Variants in CLYBL observed in about 807,000 individuals in gnomAD.
CLYBL encodes the protein citramalyl-CoA lyase.
Under a neutral mutation model 38.9 loss-of-function variants are expected in CLYBL, and 31 were observed. The observed-to-expected ratio is 0.80, with a 90% CI of 0.60 to 1.08. The LOEUF (loss-of-function observed/expected upper bound fraction) is 1.08, where lower values mean the gene tolerates loss of function less well. CLYBL is among the 50% of genes least tolerant of loss of function. The probability of loss-of-function intolerance (pLI) is 0.00; values close to 1 mark genes in which losing one functional copy is unlikely to be tolerated. For missense variants in CLYBL, 434 were observed against 411.6 expected, an observed-to-expected ratio of 1.05 and a Z score of -0.47; for synonymous variants, 171 against 158.6, an observed-to-expected ratio of 1.08 and a Z score of -0.59.
intron 6 of CLYBL, 126 bp from the exon 7 acceptor site, chr13:99,870,812 A>C (rs1309322000): frequency 5.4e-6 from 5 of 929,864 alleles, no homozygotes; most frequent in Non-Finnish European, 1.6e-6. Context: ...TTACTCAATA[A>C]AAAGTTTTAA....
intron 2 of CLYBL, among the ~76,000 whole-genome samples, chr13:99,854,740 G>A (rs2051417346): frequency 6.6e-6 from 1 of 152,090 alleles, no homozygotes; most frequent in African/African-American, 2.4e-5. Flanking sequence ...TAATTTCAGA[G>A]TCTGCAGGTT....
downstream of CLYBL, among the ~76,000 whole-genome samples, chr13:99,897,958 A>G (rs901680327): frequency 1.3e-5 from 2 of 152,062 alleles, no homozygotes; most frequent in African/African-American, 4.8e-5. Flanking sequence ...AGAAAGAAAG[A>G]AAGAAAGAAA....
At chr13:99,637,004 T>C (rs1388223089) in intron 1 of CLYBL, among the ~76,000 whole-genome samples, 10 of 152,180 alleles carry the variant, frequency 6.6e-5, no homozygotes, top group African/African-American at 2.4e-4. Context: ...CTCAGCTTCC[T>C]GAGTAGCTGG....
chr13:99,655,426 C>T (rs879346071), intron 1 of CLYBL, among the ~76,000 whole-genome samples: 2 of 152,168 alleles, frequency 1.3e-5, no homozygotes, highest in Admixed American at 6.5e-5. Context: ...TTCACGTGCC[C>T]ACATGCAAAG....
In CLYBL at chr13:99,839,630, GAGAC is replaced by G. The variant is rs543827129; in HGVS notation, c.250-19227_250-19224del. 2.8e-3 allele frequency among the ~76,000 whole-genome samples: 426 copies of G among 152,236 alleles called. 4 individuals are homozygous for G. The highest frequency in any genetic ancestry group is 1.8e-3 in the Non-Finnish European group (122 of 68,002). ...ATTGGGTGTGTGTATGGGTGACAGA[GAGAC>G]AGAACAGAGTGGTGGGGAGGGGCAT... On this transcript the variant is annotated intron_variant, in intron 2 of 8. Transcript: ENST00000339105.
At chr13:99,756,741 A>G (rs2049069475) in intron 1 of CLYBL, among the ~76,000 whole-genome samples, 1 of 152,124 alleles carries the variant, frequency 6.6e-6, no homozygotes, top group Admixed American at 6.5e-5. Context: ...CCACATGATC[A>G]TAATGTTCAG....
chr13:99,826,197 A>G lies in CLYBL; in HGVS notation c.250-32664A>G, dbSNP rs116078385. Among the ~76,000 whole-genome samples the G allele has an allele frequency of 7.8e-3, 1,190 of 152,350 alleles. 21 individuals carry two copies. Among genetic ancestry groups the G allele is most frequent in the African/African-American group, 0.027 (1,132 of 41,586 alleles). On this transcript the variant is annotated intron_variant, in intron 2 of 8. Coordinates refer to ENST00000339105, the MANE Select transcript of CLYBL (RefSeq NM_206808.5). Reference sequence around the variant, plus strand: ...GGAAGGTATTTTGTGAGTGTGGTCAACACTACAGTCAGTTGATTTATGTAT... The same window carrying G: ...GGAAGGTATTTTGTGAGTGTGGTCAGCACTACAGTCAGTTGATTTATGTAT...
At chr13:99,702,293 A>G (rs555773684) in intron 1 of CLYBL, among the ~76,000 whole-genome samples, 48 of 151,952 alleles carry the variant, frequency 3.2e-4, no homozygotes, top group Non-Finnish European at 5.6e-4. Flanking sequence ...ACATATTTTT[A>G]AGTCTGCTTT....
chr13:99,698,548 A>T (rs907596422), intron 1 of CLYBL, among the ~76,000 whole-genome samples: 1 of 152,142 alleles, frequency 6.6e-6, no homozygotes, highest in Admixed American at 6.5e-5. Context: ...TTCCACTGGG[A>T]CTTGCTCTCA....
chr13:99,786,848 C>G (rs964568038), intron 2 of CLYBL, among the ~76,000 whole-genome samples: 1 of 152,034 alleles, frequency 6.6e-6, no homozygotes, highest in South Asian at 2.1e-4. Context: ...TCCTATTTCT[C>G]CACATCCTCT....
chr13:99,723,753 T>C (rs1290491689), intron 1 of CLYBL, among the ~76,000 whole-genome samples: 1 of 152,216 alleles, frequency 6.6e-6, no homozygotes. Context: ...ATGAAAACTT[T>C]TCATTTTAGT....
chr13:99,796,947 C>T (rs934589974), intron 2 of CLYBL, among the ~76,000 whole-genome samples: 3 of 152,166 alleles, frequency 2.0e-5, no homozygotes, highest in African/African-American at 4.8e-5. Flanking sequence ...AGGGTGCCAT[C>T]GTATCCCCCA....
At chr13:99,777,263 TATG>T (rs1356437811) in intron 2 of CLYBL, among the ~76,000 whole-genome samples, 2 of 152,306 alleles carry the variant, frequency 1.3e-5, no homozygotes, top group African/African-American at 4.8e-5. Flanking sequence ...ACGCAGATAT[TATG>T]ATATTTTCAT....
chr13:99,731,351 C>T (rs180734455), intron 1 of CLYBL, among the ~76,000 whole-genome samples: 2,276 of 146,990 alleles, frequency 0.015, 28 homozygotes, highest in South Asian at 0.033. Context: ...AAAAAAAAAG[C>T]GGCTGAGCCC....
chr13:99,654,651 C>A (rs2047302584), intron 1 of CLYBL, among the ~76,000 whole-genome samples: 1 of 152,216 alleles, frequency 6.6e-6, no homozygotes, highest in Non-Finnish European at 1.5e-5. Flanking sequence ...AACCTCAAAG[C>A]CAGTAATGTG....
Position 99,905,941 on chromosome 13 carries a change from T to C in CLYBL, c.*160+536T>C, listed in dbSNP as rs369891549. Among the ~76,000 whole-genome samples, 11 of 152,098 alleles carry C rather than the reference T, an allele frequency of 7.2e-5. 1 individual carries two copies. Among genetic ancestry groups the C allele is most frequent in the African/African-American group, 2.4e-4 (10 of 41,506 alleles). ...GGCCTGTGCCACCACTCCCAGATGA[T>C]TTTTGTATTTTTTGTAGAAACGGGG... On this transcript the variant is annotated intron_variant and NMD_transcript_variant, in intron 9 of 9. Transcript: ENST00000689673.
rs2139227576 is a variant in CLYBL at position 99,865,419 on chromosome 13, A to G, written c.634+508A>G. ...AATATGTTTCGAACTCTTAGTATTA[A>G]ATGTGCTGATTTTCACCGATTCTCA... On this transcript the variant is annotated intron_variant, in intron 5 of 8. Coordinates refer to ENST00000339105, the MANE Select transcript of CLYBL (RefSeq NM_206808.5). The surrounding 1 kb of genome is among the most constrained non-coding windows in gnomAD (Gnocchi z 4.7). Among the ~76,000 whole-genome samples the G allele has an allele frequency of 6.6e-6, 1 of 152,266 alleles. No homozygotes were observed. The highest frequency in any genetic ancestry group is 1.9e-4 in the East Asian group (1 of 5,178).
At chr13:99,610,175 T>C (rs1273087671) in intron 1 of CLYBL, among the ~76,000 whole-genome samples, 1 of 152,238 alleles carries the variant, frequency 6.6e-6, no homozygotes, top group Non-Finnish European at 1.5e-5. Context: ...GCAGTGGAAT[T>C]CTAGGCATGA....
At chr13:99,806,034 T>C (rs1166368083) in intron 2 of CLYBL, among the ~76,000 whole-genome samples, 1 of 152,228 alleles carries the variant, frequency 6.6e-6, no homozygotes, top group East Asian at 1.9e-4. Flanking sequence ...TTTTTCACTA[T>C]AATTTTATAA....
Sources: gnomAD v4.1 joint callset for allele counts (sites outside exome capture counted in the v4.1 genomes callset) on GRCh38, gnomAD v4.1.1 for gene constraint, Gnocchi (gnomAD v3.1) non-coding constraint, MANE v1.5 for transcripts, NCBI Gene and HGNC (gene_info 2026-07-23, HGNC 2026-07-21) for gene names.